Variants in TANC1 observed in about 807,000 individuals in gnomAD.
The protein encoded by TANC1 is tetratricopeptide repeat, ankyrin repeat and coiled-coil containing 1.
In TANC1, 77 loss-of-function variants were observed where a neutral mutation model predicts 149.7. That is an observed-to-expected ratio of 0.51 (90% CI 0.43 to 0.62). The LOEUF (loss-of-function observed/expected upper bound fraction) is 0.62, where lower values mean the gene tolerates loss of function less well. Ranked by LOEUF, TANC1 falls within the 20% of genes least tolerant of loss-of-function variation. The pLI is 0.00. For missense variants in TANC1, 1,985 were observed against 2,321.8 expected (o/e 0.85, Z 2.98); for synonymous variants, 854 against 925.0 (o/e 0.92, Z 1.39).
intron 22 of TANC1, 102 bp downstream of exon 22, chr2:159,219,969 C>G: frequency 1.0e-6 from 1 of 963,572 alleles, no homozygotes; most frequent in Non-Finnish European, 1.5e-6. Context: ...GTCTCAGTGT[C>G]ATCAGAGAGT....
intron 14 of TANC1, among the ~76,000 whole-genome samples, chr2:159,182,207 C>CAAA (rs11437110): frequency 6.7e-6 from 1 of 149,736 alleles, no homozygotes. Flanking sequence ...AAAACTGTCT[C>CAAA]AAAAAAAAAG....
At chr2:158,976,785 G>A (rs756411280) in intron 1 of TANC1, among the ~76,000 whole-genome samples, 1 of 152,144 alleles carries the variant, frequency 6.6e-6, no homozygotes, top group African/African-American at 2.4e-5. Context: ...AGAGGCTGAG[G>A]CAGGAGAATC....
At chr2:159,158,818 C>T (rs908049783) in intron 7 of TANC1, among the ~76,000 whole-genome samples, 1 of 152,186 alleles carries the variant, frequency 6.6e-6, no homozygotes, top group African/African-American at 2.4e-5. Context: ...TGTCCATTGC[C>T]CAAAATGGTA....
At chr2:158,995,272 T>G (rs892807670) in intron 1 of TANC1, among the ~76,000 whole-genome samples, 2 of 152,188 alleles carry the variant, frequency 1.3e-5, no homozygotes, top group Non-Finnish European at 2.9e-5. Context: ...TATTGAAAAT[T>G]GCTAGAAACT....
In TANC1 at chr2:159,196,735, G is replaced by A. The variant is rs2057882124; in HGVS notation, c.3107G>A (p.Arg1036Lys). Residue 1036 changes from arginine (R) to lysine (K), a missense_variant, in exon 18 of 27, where the codon AGG becomes AAG. Physicochemically the swap from Arg to Lys is conservative, Grantham distance 26. Coordinates refer to ENST00000263635, the MANE Select transcript of TANC1 (RefSeq NM_033394.3). Reference protein sequence around the residue: ...SPGPPQPGTLRKSHALQQALT... With the variant: ...SPGPPQPGTLKKSHALQQALT... ...GGTCCTCCCCAGCCAGGCACCCTGAGGAAGAGCCACGCCCTGCAGCAGGCG... is the reference window on the plus strand; with the variant it reads ...GGTCCTCCCCAGCCAGGCACCCTGAAGAAGAGCCACGCCCTGCAGCAGGCG... 2.5e-6 allele frequency: 4 copies of A among 1,613,774 alleles called. No homozygotes were observed. Among genetic ancestry groups the A allele is most frequent in the East Asian group, 4.5e-5 (2 of 44,896 alleles).
At chr2:159,208,471 A>G (rs1336270138) in intron 19 of TANC1, among the ~76,000 whole-genome samples, 1 of 152,226 alleles carries the variant, frequency 6.6e-6, no homozygotes, top group Non-Finnish European at 1.5e-5. Context: ...ATACAGGCTG[A>G]CAGTGTTTTT....
intron 2 of TANC1, among the ~76,000 whole-genome samples, chr2:159,008,516 C>T (rs917781472): frequency 3.9e-5 from 6 of 152,298 alleles, no homozygotes; most frequent in South Asian, 2.1e-4. Flanking sequence ...AATGATTCAA[C>T]GTTCACTTCG....
intron 2 of TANC1, among the ~76,000 whole-genome samples, chr2:159,027,314 C>T (rs969469688): frequency 6.6e-6 from 1 of 152,204 alleles, no homozygotes; most frequent in Admixed American, 6.5e-5. Flanking sequence ...AATATTTCTT[C>T]TGCCAGATAT....
chr2:159,090,021 T>G (rs2045358774), intron 3 of TANC1, among the ~76,000 whole-genome samples: 1 of 152,154 alleles, frequency 6.6e-6, no homozygotes, highest in South Asian at 2.1e-4. Context: ...ATTTAAATAT[T>G]TACAGGAAAT....
chr2:159,114,723 CTTT>C (rs2048064074), intron 4 of TANC1, among the ~76,000 whole-genome samples: 2 of 152,114 alleles, frequency 1.3e-5, no homozygotes, highest in Non-Finnish European at 2.9e-5. Context: ...TTTGTGTGCC[CTTT>C]GGGCTTTAAA....
At chr2:159,159,739 A>T (rs1285023080) in intron 7 of TANC1, among the ~76,000 whole-genome samples, 131 of 150,994 alleles carry the variant, frequency 8.7e-4, no homozygotes, top group Non-Finnish European at 1.3e-3. Context: ...AGAGAGAGAG[A>T]GAGAGAGAGA....
rs371237546 is a variant in TANC1 at position 159,230,305 on chromosome 2, A to T, written c.4879A>T (p.Thr1627Ser). 18 of 1,614,088 alleles carry T rather than the reference A, an allele frequency of 1.1e-5. No individual in the cohort carries two copies. The highest frequency in any genetic ancestry group is 1.5e-5 in the Non-Finnish European group (18 of 1,180,018). The change falls in exon 27 of 27, where the codon ACA (threonine) becomes TCA (serine). Residue 1627 changes from threonine (T) to serine (S), a missense_variant. Thr to Ser is a moderately conservative substitution (Grantham distance 58). Transcript: ENST00000263635. This position sits in a 1 kb window ranked among gnomAD's most constrained non-coding sequence, Gnocchi z 4.4. ...AHPLPSKTKT[T>S]ERLLSHSSVA... is the part of the protein sequence containing the mutation. ...CCCTTTACCAAGTAAGACGAAAACC[A>T]CAGAGAGGCTTCTGTCTCATTCCTC...
intron 3 of TANC1, 23 bp from the exon 4 acceptor site, chr2:159,097,614 T>TAA: frequency 6.3e-7 from 1 of 1,586,268 alleles, no homozygotes; most frequent in Non-Finnish European, 8.7e-7. Flanking sequence ...TGGTTTAACC[T>TAA]AAGTATTCTC....
chr2:159,203,209 CTTT>C (rs56319016), intron 19 of TANC1, among the ~76,000 whole-genome samples: 7 of 101,662 alleles, frequency 6.9e-5, no homozygotes, highest in Non-Finnish European at 1.2e-4. Context: ...CTTTTCTTTT[CTTT>C]TTTTTTTTTT....
intron 4 of TANC1, among the ~76,000 whole-genome samples, chr2:159,127,797 A>G (rs1306020589): frequency 6.6e-6 from 1 of 152,172 alleles, no homozygotes; most frequent in East Asian, 1.9e-4. Context: ...GGTGCAGCAA[A>G]CCACCATTGC....
intron 2 of TANC1, among the ~76,000 whole-genome samples, chr2:159,054,295 G>A (rs1376285672): frequency 1.3e-5 from 2 of 152,162 alleles, no homozygotes; most frequent in African/African-American, 2.4e-5. Flanking sequence ...TTCCTCAGAC[G>A]GTGGTTGTGA....
chr2:159,013,277 C>T (rs573763644), intron 2 of TANC1, among the ~76,000 whole-genome samples: 13 of 152,256 alleles, frequency 8.5e-5, no homozygotes, highest in African/African-American at 1.7e-4. Flanking sequence ...AGGACAGTTA[C>T]GTCATATTCC....
In TANC1 at chr2:159,130,989, A is replaced by G. The variant is rs558213863; in HGVS notation, c.260-5205A>G. Among the ~76,000 whole-genome samples, 4 of 151,822 alleles carry G rather than the reference A, an allele frequency of 2.6e-5. No individual in the cohort carries two copies. The South Asian group carries it at 8.3e-4, about 32-fold the overall frequency. On this transcript the variant is annotated intron_variant, in intron 4 of 26. Coordinates refer to ENST00000263635, the MANE Select transcript of TANC1 (RefSeq NM_033394.3). ...GTACGTTGAGGGCAAGCTGTGCTGC[A>G]GCATGATGGTCAGGGATCTACCTTT... is the stretch of plus-strand genomic sequence containing the variant.
chr2:158,969,494 T>C (rs1347502610), intron 1 of TANC1, among the ~76,000 whole-genome samples: 1 of 152,210 alleles, frequency 6.6e-6, no homozygotes, highest in Admixed American at 6.5e-5. Context: ...GTCAAGATTG[T>C]GAGCCCCCTT....
Sources: gnomAD v4.1 joint callset for allele counts (sites outside exome capture counted in the v4.1 genomes callset) on GRCh38, gnomAD v4.1.1 for gene constraint, Gnocchi (gnomAD v3.1) non-coding constraint, MANE v1.5 for transcripts, NCBI Gene and HGNC (gene_info 2026-07-23, HGNC 2026-07-21) for gene names.